DMGDH: variants seen among roughly 807,000 people sequenced by gnomAD.
The protein encoded by DMGDH is dimethylglycine dehydrogenase, also known as dimethylglycine dehydrogenase, mitochondrial.
In DMGDH, 76 loss-of-function variants were observed where a neutral mutation model predicts 95.2. The observed-to-expected ratio is 0.80, with a 90% CI of 0.66 to 0.97. The LOEUF (loss-of-function observed/expected upper bound fraction) is 0.97, where lower values mean the gene tolerates loss of function less well. Among genes scored for constraint, DMGDH ranks in the 50% least tolerant of loss-of-function variants. The probability of loss-of-function intolerance (pLI) is 0.00; values close to 1 mark genes in which losing one functional copy is unlikely to be tolerated. For synonymous variants in DMGDH, 345 were observed against 377.6 expected, an observed-to-expected ratio of 0.91 and a Z score of 1.00; for missense variants, 987 against 1,055.0, an observed-to-expected ratio of 0.94 and a Z score of 0.89.
chr5:79,050,248 CAAAAAAAAA>C (rs57662602), intron 5 of DMGDH, among the ~76,000 whole-genome samples: 65 of 78,620 alleles, frequency 8.3e-4, no homozygotes, highest in African/African-American at 3.3e-3. Context: ...AACTTTGTCT[CAAAAAAAAA>C]AAAAAAAAAA....
chr5:79,039,065 C>T (rs1754428366), intron 7 of DMGDH, among the ~76,000 whole-genome samples: 1 of 149,968 alleles, frequency 6.7e-6, no homozygotes, highest in Admixed American at 6.7e-5. Flanking sequence ...ACAACAGGTG[C>T]TGGAGAGGAT....
chr5:79,063,418 T>C (rs1463602409), intron 2 of DMGDH, among the ~76,000 whole-genome samples, 195 bp downstream of exon 2: 3 of 152,116 alleles, frequency 2.0e-5, no homozygotes, highest in Non-Finnish European at 2.9e-5. Context: ...CCAGAAGCCA[T>C]CTGTTCAAGA....
rs1561213630 is a variant in DMGDH, at chr5:79,026,513, C to T, written c.2101G>A (p.Ala701Thr). The change falls in exon 13 of 16, where the codon GCA (alanine) becomes ACA (threonine). Residue 701 changes from alanine (A) to threonine (T), a missense_variant. Coordinates refer to ENST00000255189, the MANE Select transcript of DMGDH (RefSeq NM_013391.3). ...SVALYDAIMN[A>T]GQEEGIDNFG... ...TTGTCGATTCCCTCCTCCTGGCCTG[C>T]ATTCATGATAGCGTCATACAGCGCC... The T allele has an allele frequency of 6.2e-7, 1 of 1,614,188 alleles. No individual in the cohort carries two copies. The highest frequency in any genetic ancestry group is 1.7e-5 in the Admixed American group (1 of 60,030).
chr5:79,050,656 G>C (rs955228779), intron 5 of DMGDH, among the ~76,000 whole-genome samples: 1 of 152,192 alleles, frequency 6.6e-6, no homozygotes, highest in Non-Finnish European at 1.5e-5. Context: ...CTGACATAAC[G>C]ATCAGTGGCC....
At position 79,024,268 on chromosome 5, in the gene DMGDH, T is replaced by C. The variant is rs1157776532; in HGVS notation, c.2250+3A>G. 2 of 1,612,490 alleles carry C rather than the reference T, an allele frequency of 1.2e-6. No homozygotes were observed. Among genetic ancestry groups the C allele is most frequent in the South Asian group, 1.1e-5 (1 of 91,052 alleles). ...TCAAGCACACTTTGGAATGTAAACATACCTTATTTAACTTCACAAAATATT... is the reference window on the plus strand; with the variant it reads ...TCAAGCACACTTTGGAATGTAAACACACCTTATTTAACTTCACAAAATATT... On this transcript the variant is annotated splice_donor_region_variant and intron_variant, in intron 14 of 15. Transcript: ENST00000255189.
Position 79,032,786 on chromosome 5 carries a change from C to G in DMGDH, c.1418G>C (p.Gly473Ala), listed in dbSNP as rs757059766. The G allele has an allele frequency of 3.7e-6, 6 of 1,614,046 alleles. No individual in the cohort carries two copies. In the African/African-American group the frequency reaches 6.7e-5, roughly 18 times the overall value. The change falls in exon 9 of 16, where the codon GGG becomes GCG. Residue 473 changes from glycine (G) to alanine (A), a missense_variant. Physicochemically the swap from Gly to Ala is moderately conservative, Grantham distance 60 (BLOSUM62 0). Coordinates refer to ENST00000255189, the MANE Select transcript of DMGDH (RefSeq NM_013391.3). Reference protein sequence around the residue: ...FAGRPTQRVSGLYQRLESKCS... With the variant: ...FAGRPTQRVSALYQRLESKCS... ...CTTAGACTCCAGCCTTTGATAGAGC[C>G]CACTGACTCGTTGAGTCGGCCTCCC...
At chr5:79,020,153 C>T (rs185478180) in intron 14 of DMGDH, among the ~76,000 whole-genome samples, 1 of 152,262 alleles carries the variant, frequency 6.6e-6, no homozygotes, top group Admixed American at 6.5e-5. Context: ...CAGTAATTCT[C>T]CATCTCTGCA....
chr5:79,014,447 G>A (rs1053615753), intron 14 of DMGDH, among the ~76,000 whole-genome samples: 1 of 152,168 alleles, frequency 6.6e-6, no homozygotes, highest in Admixed American at 6.5e-5. Context: ...TCTCTCTAGA[G>A]TAGAGTGAAG....
In DMGDH at chr5:78,997,642, G is replaced by A. The variant is rs1206614432; in HGVS notation, c.*440C>T. On this transcript the variant is annotated 3_prime_UTR_variant, in exon 16 of 16. Transcript: ENST00000255189. ...TAAAACTTTCATTTATTCATCTAAG[G>A]AAAGATTTCTCAAAGAAGTAAATCC... is the stretch of plus-strand genomic sequence containing the variant. 6.1e-6 allele frequency: 1 copy of A among 162,604 alleles called. No homozygotes were observed. The highest frequency in any genetic ancestry group is 1.3e-5 in the Non-Finnish European group (1 of 74,230). The allele number at this position is 162,604 out of a possible 1,614,324, so 10.1% of individuals were successfully genotyped here.
rs1051543845 is a variant in DMGDH, at chr5:79,069,610, G to C, written c.11C>G (p.Pro4Arg). Residue 4 changes from proline to arginine, a missense_variant, in exon 1 of 16, where the codon CCC (proline) becomes CGC (arginine). Coordinates refer to ENST00000255189, the MANE Select transcript of DMGDH (RefSeq NM_013391.3). Reference protein sequence around the residue: MLRPGAQLLRGLLL... With the variant: MLRRGAQLLRGLLL... ...GAGGCCCCGCAGCAGCTGCGCGCCG[G>C]GACGGAGCATGACTAGGCCGAGGCC... 1.2e-5 allele frequency: 17 copies of C among 1,374,896 alleles called. No homozygotes were observed. The highest frequency in any genetic ancestry group is 6.9e-5 in the South Asian group (4 of 58,124). The allele number at this position is 1,374,896 out of a possible 1,614,324, so 85.2% of individuals were successfully genotyped here.
chr5:79,043,081 T>G (rs1466122191), intron 6 of DMGDH, among the ~76,000 whole-genome samples: 2 of 152,128 alleles, frequency 1.3e-5, no homozygotes, highest in African/African-American at 2.4e-5. Flanking sequence ...GTCCTAAAAG[T>G]CATTGTGATG....
At chr5:79,023,346 A>G (rs1337445758) in intron 14 of DMGDH, among the ~76,000 whole-genome samples, 1 of 152,158 alleles carries the variant, frequency 6.6e-6, no homozygotes, top group Non-Finnish European at 1.5e-5. Context: ...CCCCAGCTCT[A>G]TTAAGTTGTT....
intron 1 of DMGDH, among the ~76,000 whole-genome samples, chr5:79,066,576 G>A (rs1174258516): frequency 6.6e-6 from 1 of 151,318 alleles, no homozygotes; most frequent in African/African-American, 2.4e-5. Flanking sequence ...TTACAGGTGT[G>A]AGCCACCACG....
At position 79,032,711 on chromosome 5, in the gene DMGDH, T is replaced by C. The variant is rs1326544317; in HGVS notation, c.1493A>G (p.Lys498Arg). Residue 498 changes from lysine to arginine, a missense_variant, in exon 9 of 16, where the codon AAA becomes AGA. Coordinates refer to ENST00000255189, the MANE Select transcript of DMGDH (RefSeq NM_013391.3). ...CCTGTACTGAGTGTCCTGGCCTGGT[T>C]TGTAGAACCAGTGCGGCTGCTCCCA... ...AGWEQPHWFYKPGQDTQYRPS... is the reference protein window; with the variant it reads ...AGWEQPHWFYRPGQDTQYRPS... 3.1e-6 allele frequency: 5 copies of C among 1,614,050 alleles called. No individual in the cohort carries two copies. Among genetic ancestry groups the C allele is most frequent in the East Asian group, 4.5e-5 (2 of 44,896 alleles).
chr5:79,006,215 C>A (rs201845363), intron 14 of DMGDH, among the ~76,000 whole-genome samples: 617 of 127,126 alleles, frequency 4.9e-3, no homozygotes, highest in African/African-American at 0.011. Context: ...TTATGTGTTA[C>A]AAAAAAAAAA....
At chr5:79,029,116 A>C (rs994927687) in intron 11 of DMGDH, among the ~76,000 whole-genome samples, 7 of 152,196 alleles carry the variant, frequency 4.6e-5, no homozygotes, top group Non-Finnish European at 7.3e-5. Flanking sequence ...CTCTAGTTTC[A>C]ATTTCTATGG....
chr5:79,010,683 G>C (rs1753633131), intron 14 of DMGDH, among the ~76,000 whole-genome samples: 1 of 152,022 alleles, frequency 6.6e-6, no homozygotes, highest in Non-Finnish European at 1.5e-5. Context: ...GTTATTCTTT[G>C]TTTTAAATTT....
chr5:79,046,785 A>C (rs1754688128), intron 5 of DMGDH, among the ~76,000 whole-genome samples: 2 of 152,216 alleles, frequency 1.3e-5, no homozygotes, highest in Admixed American at 1.3e-4. Context: ...CACTAGGACA[A>C]TTTTTAAATA....
intron 14 of DMGDH, among the ~76,000 whole-genome samples, chr5:79,008,196 G>GT (rs1268055397): frequency 6.6e-6 from 1 of 152,302 alleles, no homozygotes; most frequent in African/African-American, 2.4e-5. Flanking sequence ...TTTGATAGAG[G>GT]TATGGACAGT....
Sources: allele counts gnomAD v4.1 joint callset (sites outside exome capture counted in the v4.1 genomes callset), GRCh38; gene constraint gnomAD v4.1.1; transcripts MANE v1.5; gene names NCBI Gene and HGNC (gene_info 2026-07-23, HGNC 2026-07-21).